Variants in ASCC3 observed in about 807,000 individuals in gnomAD.
The protein encoded by ASCC3 is activating signal cointegrator 1 complex subunit 3.
Under a neutral mutation model 256.3 loss-of-function variants are expected in ASCC3, and 158 were observed. The observed-to-expected ratio is 0.62, with a 90% CI of 0.54 to 0.70. ASCC3 has a LOEUF of 0.70. ASCC3 is among the 30% of genes least tolerant of loss of function. ASCC3 has a pLI of 0.00. For synonymous variants in ASCC3, 948 were observed against 883.4 expected (o/e 1.07, Z -1.30); for missense variants, 2,259 against 2,626.0 (o/e 0.86, Z 3.05).
intron 41 of ASCC3, among the ~76,000 whole-genome samples, 168 bp from the exon 42 acceptor site, chr6:100,509,701 C>CCATCCTGGCTAA (rs750613842): frequency 6.6e-5 from 10 of 152,048 alleles, no homozygotes; most frequent in Middle Eastern, 3.4e-3. Flanking sequence ...GAGATGGAGA[C>CCATCCTGGCTAA]CACGGTGAAA....
At chr6:100,617,882 A>C (rs1427446039) in intron 30 of ASCC3, among the ~76,000 whole-genome samples, 1 of 152,164 alleles carries the variant, frequency 6.6e-6, no homozygotes, top group East Asian at 1.9e-4. Flanking sequence ...TCTGTCTGAG[A>C]GTCTCATGTG....
intron 36 of ASCC3, among the ~76,000 whole-genome samples, chr6:100,542,408 C>A (rs997146257): frequency 6.6e-6 from 1 of 152,098 alleles, no homozygotes; most frequent in African/African-American, 2.4e-5. Context: ...TCGGGCCGGG[C>A]GCGGTGGCTC....
chr6:100,797,524 AACTT>A (rs1385791858), intron 8 of ASCC3, among the ~76,000 whole-genome samples: 1 of 151,204 alleles, frequency 6.6e-6, no homozygotes, highest in Admixed American at 6.6e-5. Flanking sequence ...CATAAAATAA[AACTT>A]AATAAATCTT....
intron 13 of ASCC3, among the ~76,000 whole-genome samples, chr6:100,683,588 ATCAC>A (rs1777410999): frequency 6.6e-6 from 1 of 152,140 alleles, no homozygotes; most frequent in Non-Finnish European, 1.5e-5. Flanking sequence ...TCATATGAAA[ATCAC>A]AAGTAATAGG....
At chr6:100,675,520 T>C (rs765257496) in intron 14 of ASCC3, among the ~76,000 whole-genome samples, 12 of 152,178 alleles carry the variant, frequency 7.9e-5, no homozygotes, top group Middle Eastern at 3.2e-3. Flanking sequence ...CCAGTTGCCA[T>C]TGATTTAGGC....
intron 23 of ASCC3, among the ~76,000 whole-genome samples, chr6:100,643,169 A>C (rs1008225542): frequency 4.6e-5 from 7 of 152,168 alleles, no homozygotes; most frequent in Non-Finnish European, 1.0e-4. Flanking sequence ...AAGGTAACCA[A>C]GCAGACAAAA....
chr6:100,676,492 C>A (rs960029691), intron 14 of ASCC3, among the ~76,000 whole-genome samples: 5 of 152,174 alleles, frequency 3.3e-5, no homozygotes, highest in African/African-American at 9.7e-5. Flanking sequence ...CCAGGGAGAG[C>A]CCCAAGCTCC....
intron 13 of ASCC3, among the ~76,000 whole-genome samples, chr6:100,683,111 A>AC (rs1438252151): frequency 6.6e-6 from 1 of 152,048 alleles, no homozygotes; most frequent in African/African-American, 2.4e-5. Flanking sequence ...TGTTTTGAGA[A>AC]CCCCCCAATA....
chr6:100,796,373 C>T (rs1769614519), intron 8 of ASCC3, among the ~76,000 whole-genome samples: 1 of 152,088 alleles, frequency 6.6e-6, no homozygotes, highest in South Asian at 2.1e-4. Context: ...AACTTATATT[C>T]ACACAAAAAT....
intron 28 of ASCC3, 42 bp from the exon 29 acceptor site, chr6:100,627,752 T>C (rs555915975): frequency 6.2e-7 from 1 of 1,607,304 alleles, no homozygotes; most frequent in Non-Finnish European, 8.5e-7. Context: ...AATTTTTATA[T>C]TGAATTTTAT....
intron 14 of ASCC3, among the ~76,000 whole-genome samples, chr6:100,674,310 C>G (rs1360357361): frequency 2.6e-5 from 4 of 151,328 alleles, no homozygotes; most frequent in Non-Finnish European, 2.9e-5. Flanking sequence ...AGTTTGTTTA[C>G]CCACTTTATT....
intron 36 of ASCC3, among the ~76,000 whole-genome samples, chr6:100,577,571 T>C (rs935198961): frequency 4.6e-5 from 7 of 152,086 alleles, no homozygotes; most frequent in Non-Finnish European, 7.4e-5. Flanking sequence ...TATTTCCTGT[T>C]TTGTTTTTAG....
chr6:100,634,170 G>A (rs542522846), intron 25 of ASCC3, among the ~76,000 whole-genome samples: 9 of 152,022 alleles, frequency 5.9e-5, no homozygotes, highest in Admixed American at 4.6e-4. Context: ...GTGATGTTTT[G>A]ATACATATAA....
intron 30 of ASCC3, among the ~76,000 whole-genome samples, chr6:100,618,664 C>A (rs954555732): frequency 1.3e-5 from 2 of 152,178 alleles, no homozygotes; most frequent in African/African-American, 2.4e-5. Flanking sequence ...AGTGGAAACA[C>A]TGGGCCCATA....
At chr6:100,756,875 A>C (rs1582816521) in intron 10 of ASCC3, among the ~76,000 whole-genome samples, 1 of 152,278 alleles carries the variant, frequency 6.6e-6, no homozygotes, top group African/African-American at 2.4e-5. Flanking sequence ...AATAGTGACA[A>C]ATAATACAAG....
At chr6:100,691,453 T>G (rs975067461) in intron 13 of ASCC3, among the ~76,000 whole-genome samples, 1 of 152,090 alleles carries the variant, frequency 6.6e-6, no homozygotes, top group South Asian at 2.1e-4. Context: ...TTGAATAAAT[T>G]TTCTATACAT....
rs1229944067 is a variant in ASCC3 at position 100,608,447 on chromosome 6, TTTTATATATATATAC to T, written c.4786-1374_4786-1360del. On this transcript the variant is annotated intron_variant, in intron 30 of 41. Coordinates refer to ENST00000369162, the MANE Select transcript of ASCC3 (RefSeq NM_006828.4). ...ATTTTATATATATACTTTATATATATTTTATATATATATACTTTATATATATATACTTTATATATA... is the reference window on the plus strand; with the variant it reads ...ATTTTATATATATACTTTATATATATTTTATATATATATACTTTATATATA... Among the ~76,000 whole-genome samples, 4 of 41,186 alleles carry T rather than the reference TTTTATATATATATAC, an allele frequency of 9.7e-5. 1 individual carries two copies. Among genetic ancestry groups the T allele is most frequent in the African/African-American group, 2.4e-4 (2 of 8,386 alleles). The allele number at this position is 41,186 out of a possible 152,430, so 27.0% of individuals were successfully genotyped here. A position where few individuals can be genotyped will look rare whatever the true frequency, so the allele number is the denominator to read the frequency against.
chr6:100,751,553 A>G (rs1461395887), intron 10 of ASCC3, among the ~76,000 whole-genome samples: 2 of 152,044 alleles, frequency 1.3e-5, no homozygotes, highest in African/African-American at 4.8e-5. Flanking sequence ...CCATAATTGT[A>G]CATCCAATAA....
chr6:100,527,056 C>CTATG (rs1266888327), intron 37 of ASCC3, among the ~76,000 whole-genome samples: 2 of 152,080 alleles, frequency 1.3e-5, no homozygotes, highest in African/African-American at 4.8e-5. Flanking sequence ...ATTTATTTAC[C>CTATG]TATGATACAC....
Sources: allele counts gnomAD v4.1 joint callset (sites outside exome capture counted in the v4.1 genomes callset), GRCh38; gene constraint gnomAD v4.1.1; transcripts MANE v1.5; gene names NCBI Gene and HGNC (gene_info 2026-07-23, HGNC 2026-07-21).